The following DENND1A variants were observed in gnomAD, a reference collection of about 807,000 sequenced individuals.
DENND1A encodes the protein DENN domain containing 1A.
Under a neutral mutation model 113.7 loss-of-function variants are expected in DENND1A, and 51 were observed. That is an observed-to-expected ratio of 0.45 (90% CI 0.36 to 0.57). The LOEUF (loss-of-function observed/expected upper bound fraction) is 0.57. DENND1A is among the 20% of genes least tolerant of loss of function. DENND1A has a pLI of 0.00. For missense variants in DENND1A, 1,258 were observed against 1,395.9 expected, an observed-to-expected ratio of 0.90 and a Z score of 1.57; for synonymous variants, 565 against 570.8, an observed-to-expected ratio of 0.99 and a Z score of 0.14.
intron 18 of DENND1A, among the ~76,000 whole-genome samples, chr9:123,448,443 C>T (rs183057654): frequency 6.6e-6 from 1 of 152,196 alleles, no homozygotes; most frequent in East Asian, 1.9e-4. Context: ...GCGCATGGGG[C>T]CTTTGCCTGA....
chr9:123,727,475 G>C (rs186131945), intron 5 of DENND1A, among the ~76,000 whole-genome samples: 1 of 152,128 alleles, frequency 6.6e-6, no homozygotes, highest in Non-Finnish European at 1.5e-5. Flanking sequence ...GCACTTTTCC[G>C]ATCCTCCAGA....
At chr9:123,641,241 T>G (rs2139058706) in intron 9 of DENND1A, among the ~76,000 whole-genome samples, 1 of 152,266 alleles carries the variant, frequency 6.6e-6, no homozygotes, top group South Asian at 2.1e-4. Flanking sequence ...GCTTTTTAAG[T>G]AGATTAAGAT....
intron 1 of DENND1A, among the ~76,000 whole-genome samples, chr9:123,916,047 T>G (rs1344783399): frequency 6.6e-6 from 1 of 151,968 alleles, no homozygotes; most frequent in African/African-American, 2.4e-5. Context: ...ATCGCAATGG[T>G]ATAATGGTAA....
At chr9:123,662,938 C>CAAT (rs1455749892) in intron 8 of DENND1A, among the ~76,000 whole-genome samples, 3 of 151,856 alleles carry the variant, frequency 2.0e-5, no homozygotes, top group Non-Finnish European at 4.4e-5. Context: ...ATAGGAAAAT[C>CAAT]AATAAGTGAT....
chr9:123,586,344 C>T (rs1000554197), intron 11 of DENND1A, among the ~76,000 whole-genome samples: 10 of 152,148 alleles, frequency 6.6e-5, no homozygotes, highest in Non-Finnish European at 1.5e-5. Context: ...CCCTTGTAGG[C>T]TCTCCACGGC....
intron 2 of DENND1A, among the ~76,000 whole-genome samples, chr9:123,866,853 T>C (rs1003573007): frequency 6.6e-6 from 1 of 152,214 alleles, no homozygotes; most frequent in African/African-American, 2.4e-5. Flanking sequence ...AAAAGAAATC[T>C]GAACCTAAGT....
At chr9:123,628,662 A>G (rs1828910245) in intron 10 of DENND1A, among the ~76,000 whole-genome samples, 1 of 152,222 alleles carries the variant, frequency 6.6e-6, no homozygotes, top group Admixed American at 6.5e-5. Context: ...TACCCACTCA[A>G]GAAGGGATGA....
intron 3 of DENND1A, among the ~76,000 whole-genome samples, chr9:123,783,839 A>T (rs943380825): frequency 2.0e-5 from 3 of 152,224 alleles, no homozygotes; most frequent in Non-Finnish European, 4.4e-5. Context: ...GGTCTGTAAC[A>T]TTGGCCATAG....
intron 5 of DENND1A, among the ~76,000 whole-genome samples, chr9:123,733,670 A>ATT (rs747578846): frequency 0.11 from 15,495 of 135,550 alleles, 1,079 homozygotes; most frequent in African/African-American, 0.2. Flanking sequence ...CTTGTTGGTT[A>ATT]TTTTTTTTTT....
chr9:123,774,406 G>C (rs1195537516), intron 3 of DENND1A, among the ~76,000 whole-genome samples: 1 of 152,200 alleles, frequency 6.6e-6, no homozygotes, highest in Non-Finnish European at 1.5e-5. Flanking sequence ...GGGTAAAGCA[G>C]TTGTTCCTGG....
At chr9:123,888,978 G>A (rs1849513565) in intron 1 of DENND1A, among the ~76,000 whole-genome samples, 1 of 151,304 alleles carries the variant, frequency 6.6e-6, no homozygotes, top group Admixed American at 6.6e-5. Context: ...GTGTGTGTGT[G>A]TGTGTGTGTG....
chr9:123,500,151 T>C (rs965587988), intron 13 of DENND1A, among the ~76,000 whole-genome samples: 31 of 152,222 alleles, frequency 2.0e-4, no homozygotes, highest in Admixed American at 1.8e-3. Context: ...AAGAAAAGTC[T>C]AAAAGTCACT....
intron 19 of DENND1A, among the ~76,000 whole-genome samples, chr9:123,438,155 G>T (rs1262237528): frequency 6.6e-6 from 1 of 152,202 alleles, no homozygotes; most frequent in Non-Finnish European, 1.5e-5. Context: ...CCTGCCGGTA[G>T]TAGGTGCTCT....
At chr9:123,743,541 G>A (rs571304987) in intron 5 of DENND1A, among the ~76,000 whole-genome samples, 1 of 152,010 alleles carries the variant, frequency 6.6e-6, no homozygotes, top group East Asian at 1.9e-4. Flanking sequence ...AGACCAGCCT[G>A]ACCAATATGG....
intron 15 of DENND1A, among the ~76,000 whole-genome samples, chr9:123,455,200 G>A (rs2048025687): frequency 6.6e-6 from 1 of 152,202 alleles, no homozygotes; most frequent in African/African-American, 2.4e-5. Flanking sequence ...GCGGCAGCGA[G>A]TCACTGCCAG....
chr9:123,774,811 G>A (rs1361808345), intron 3 of DENND1A, among the ~76,000 whole-genome samples: 1 of 151,966 alleles, frequency 6.6e-6, no homozygotes, highest in African/African-American at 2.4e-5. Flanking sequence ...GTAATTCAAA[G>A]ATAAATATAA....
chr9:123,674,340 TCTCACACACACACACACACACACA>T (rs1349853261), intron 6 of DENND1A, among the ~76,000 whole-genome samples: 1,810 of 127,816 alleles, frequency 0.014, 40 homozygotes, highest in African/African-American at 0.054. Flanking sequence ...TCTGTCTCTC[TCTCACACACACACACACACACACA>T]CACACACACA....
intron 5 of DENND1A, among the ~76,000 whole-genome samples, chr9:123,731,943 C>A (rs1395999077): frequency 6.6e-6 from 1 of 152,118 alleles, no homozygotes; most frequent in African/African-American, 2.4e-5. Context: ...AGAAGATATA[C>A]AAATGACAAA....
Position 123,671,386 on chromosome 9 carries a change from AG to A in DENND1A, c.373-16del, listed in dbSNP as rs748976549. 1 of 1,613,336 alleles carries A rather than the reference AG, an allele frequency of 6.2e-7. No individual in the cohort carries two copies. Among genetic ancestry groups the A allele is most frequent in the Non-Finnish European group, 8.5e-7 (1 of 1,179,696 alleles). On this transcript the variant is annotated splice_polypyrimidine_tract_variant and intron_variant, in intron 6 of 23. Transcript: ENST00000394215. ...CACTGATTTTCCTGAAAGAAATAAA[AG>A]GCCTAAGTAACAAAAGCAAGGCTGA...
Sources: gnomAD v4.1 joint callset for allele counts (sites outside exome capture counted in the v4.1 genomes callset) on GRCh38, gnomAD v4.1.1 for gene constraint, MANE v1.5 for transcripts, NCBI Gene and HGNC (gene_info 2026-07-23, HGNC 2026-07-21) for gene names.